MSRA: variants seen among roughly 807,000 people sequenced by gnomAD.
The protein encoded by MSRA is mitochondrial peptide methionine sulfoxide reductase.
A neutral mutation model predicts 31.3 loss-of-function variants in MSRA; 54 were observed. The ratio of observed to expected loss-of-function variants is 1.73; its 90% confidence interval spans 1.39 to 2.17. The LOEUF (loss-of-function observed/expected upper bound fraction) is 2.17, where lower values mean the gene tolerates loss of function less well. MSRA is among the 30% of genes most tolerant of loss of function. The pLI, the probability that MSRA is intolerant of heterozygous loss-of-function variation, is 0.00. For synonymous variants in MSRA, 169 were observed against 116.5 expected (o/e 1.45, Z -2.90); for missense variants, 507 against 300.9 (o/e 1.69, Z -5.07).
intron 5 of MSRA, chr8:10,411,618 C>G (rs1012996423): frequency 6.6e-6 from 1 of 152,140 alleles, no homozygotes; most frequent in Admixed American, 6.5e-5. Flanking sequence ...TTGCAGCTGA[C>G]AGATGTAACC....
chr8:10,422,614 A>G (rs1439673192), intron 5 of MSRA, among the ~76,000 whole-genome samples: 1 of 152,194 alleles, frequency 6.6e-6, no homozygotes, highest in African/African-American at 2.4e-5. Flanking sequence ...GCCACAAGCA[A>G]AAGTCAAGAT....
chr8:10,239,543 G>C (rs2952237), intron 2 of MSRA, among the ~76,000 whole-genome samples: 1 of 152,198 alleles, frequency 6.6e-6, no homozygotes, highest in African/African-American at 2.4e-5. Flanking sequence ...TGGCACAACA[G>C]AGATCCTCCT....
At chr8:10,269,021 C>G (rs1401086504) in intron 3 of MSRA, among the ~76,000 whole-genome samples, 1 of 152,226 alleles carries the variant, frequency 6.6e-6, no homozygotes, top group East Asian at 1.9e-4. Context: ...TTTGCAGGTG[C>G]GCTGTGTTTC....
intron 5 of MSRA, among the ~76,000 whole-genome samples, chr8:10,325,696 A>C (rs1262875200): frequency 1.3e-5 from 2 of 152,214 alleles, no homozygotes; most frequent in Non-Finnish European, 2.9e-5. Flanking sequence ...GAGGTTGATC[A>C]GTGCTTTAGC....
chr8:10,336,888 A>C (rs1175807524), intron 5 of MSRA: 1 of 152,220 alleles, frequency 6.6e-6, no homozygotes, highest in African/African-American at 2.4e-5. Flanking sequence ...ATGGGAATTA[A>C]CATTTTTACA....
chr8:10,087,424 G>C (rs760716670), intron 1 of MSRA, among the ~76,000 whole-genome samples: 5 of 152,194 alleles, frequency 3.3e-5, no homozygotes, highest in Non-Finnish European at 5.9e-5. Context: ...CTGGCAAGTA[G>C]TGGTTGTTCA....
chr8:10,323,066 G>A (rs1802142684), intron 5 of MSRA, among the ~76,000 whole-genome samples: 1 of 143,660 alleles, frequency 7.0e-6, no homozygotes, highest in South Asian at 2.3e-4. Flanking sequence ...CTCCAGCCTG[G>A]GCAACAGAGT....
intron 5 of MSRA, among the ~76,000 whole-genome samples, chr8:10,362,977 G>A (rs1375279873): frequency 6.6e-6 from 1 of 152,108 alleles, no homozygotes; most frequent in African/African-American, 2.4e-5. Flanking sequence ...AGCATCTTGG[G>A]GAACAATTTT....
intron 1 of MSRA, among the ~76,000 whole-genome samples, chr8:10,121,843 A>C (rs1205246644): frequency 5.7e-5 from 2 of 35,224 alleles, no homozygotes; most frequent in Non-Finnish European, 1.3e-4. Context: ...ACTAATTTTT[A>C]ATTTTTTTTT....
rs556058243 is a variant in MSRA at position 10,389,403 on chromosome 8, C to T, written c.544-38745C>T. 1.2e-4 allele frequency among the ~76,000 whole-genome samples: 18 copies of T among 152,330 alleles called. No homozygotes were observed. The South Asian group carries it at 3.3e-3, about 28-fold the overall frequency. On this transcript the variant is annotated intron_variant, in intron 5 of 5. Coordinates refer to ENST00000317173, the MANE Select transcript of MSRA (RefSeq NM_012331.5). ...GGCTTCAACCAAAGTACTCGCTTCCCTTTGCAATATTTTTTAAACGTAGCT... is the reference window on the plus strand; with the variant it reads ...GGCTTCAACCAAAGTACTCGCTTCCTTTTGCAATATTTTTTAAACGTAGCT...
intron 1 of MSRA, among the ~76,000 whole-genome samples, chr8:10,054,872 T>C (rs538079206): frequency 1.3e-5 from 2 of 152,336 alleles, no homozygotes; most frequent in Non-Finnish European, 2.9e-5. Flanking sequence ...GCTCGTCATC[T>C]TCTGGAGCCA....
chr8:10,376,529 G>A (rs1805765567), intron 5 of MSRA, among the ~76,000 whole-genome samples: 3 of 152,296 alleles, frequency 2.0e-5, no homozygotes, highest in South Asian at 2.1e-4. Context: ...GGTAATGATA[G>A]GACCTGCCTC....
chr8:10,152,904 A>G (rs1489493635), intron 1 of MSRA, among the ~76,000 whole-genome samples: 2 of 152,238 alleles, frequency 1.3e-5, no homozygotes, highest in Non-Finnish European at 2.9e-5. Flanking sequence ...TCAGCCAGCC[A>G]CAAACAGACA....
intron 1 of MSRA, among the ~76,000 whole-genome samples, chr8:10,154,922 A>G (rs932868655): frequency 5.3e-5 from 8 of 150,968 alleles, no homozygotes; most frequent in South Asian, 4.2e-4. Flanking sequence ...GAAGCTTAAC[A>G]TTACCTTTTT....
chr8:10,348,459 T>G (rs1803927658), intron 5 of MSRA, among the ~76,000 whole-genome samples: 1 of 132,044 alleles, frequency 7.6e-6, no homozygotes, highest in Admixed American at 9.4e-5. Context: ...AACCTCTGCC[T>G]CCTGTGTTCA....
intron 3 of MSRA, among the ~76,000 whole-genome samples, chr8:10,246,570 G>A (rs527612389): frequency 3.2e-4 from 49 of 152,270 alleles, no homozygotes; most frequent in Non-Finnish European, 6.2e-4. Flanking sequence ...TGGAGGATGC[G>A]CTCAGCCCTC....
chr8:10,369,727 T>A (rs941120822), intron 5 of MSRA, among the ~76,000 whole-genome samples: 1 of 152,196 alleles, frequency 6.6e-6, no homozygotes, highest in African/African-American at 2.4e-5. Flanking sequence ...TATTTGTGCA[T>A]CATTGATAGC....
At chr8:10,420,701 A>C (rs1330423592) in intron 5 of MSRA, among the ~76,000 whole-genome samples, 2 of 152,046 alleles carry the variant, frequency 1.3e-5, no homozygotes, top group East Asian at 3.9e-4. Flanking sequence ...AGTGCTTTTC[A>C]TGCCTATGTT....
rs1475186753 is a variant in MSRA, at chr8:10,092,661, G to A, written c.142+38003G>A. On this transcript the variant is annotated intron_variant, in intron 1 of 5. Transcript: ENST00000317173. ...CTGTCTCAAAAAAAAAAAAAATTCT[G>A]CTCTTGTTGGGTAGATTGTTTGGTA... Among the ~76,000 whole-genome samples, 3 of 148,424 alleles carry A rather than the reference G, an allele frequency of 2.0e-5. No individual in the cohort carries two copies. In the East Asian group the frequency reaches 5.8e-4, roughly 29 times the overall value.
Sources: gnomAD v4.1 joint callset for allele counts (sites outside exome capture counted in the v4.1 genomes callset) on GRCh38, gnomAD v4.1.1 for gene constraint, MANE v1.5 for transcripts, NCBI Gene and HGNC (gene_info 2026-07-23, HGNC 2026-07-21) for gene names.